The following SEM1 variants were observed in gnomAD, a reference collection of about 807,000 sequenced individuals.
The protein encoded by SEM1 is 26S proteasome complex subunit SEM1.
A neutral mutation model predicts 12.7 loss-of-function variants in SEM1; 3 were observed. That is an observed-to-expected ratio of 0.24 (90% confidence interval 0.11 to 0.61). SEM1 has a LOEUF of 0.61. SEM1 is among the 20% of genes least tolerant of loss of function. The pLI, the probability that SEM1 is intolerant of heterozygous loss-of-function variation, is 0.88. For missense variants in SEM1, 59 were observed against 81.3 expected, an observed-to-expected ratio of 0.73 and a Z score of 1.06; for synonymous variants, 30 against 27.8, an observed-to-expected ratio of 1.08 and a Z score of -0.25.
At chr7:96,676,797 C>G (rs145533922) in intron 2 of SEM1, among the ~76,000 whole-genome samples, 6 of 152,264 alleles carry the variant, frequency 3.9e-5, no homozygotes, top group Admixed American at 6.5e-5. Context: ...AGCATGTGAA[C>G]AGCATTATTG....
chr7:96,553,312 G>A (rs1359364659), intron 2 of SEM1, among the ~76,000 whole-genome samples: 6 of 151,726 alleles, frequency 4.0e-5, no homozygotes, highest in African/African-American at 1.2e-4. Context: ...TTCTTCTAGG[G>A]TTTTTATGGT....
intron 2 of SEM1, among the ~76,000 whole-genome samples, chr7:96,646,376 C>A (rs114610915): frequency 6.6e-6 from 1 of 152,176 alleles, no homozygotes; most frequent in African/African-American, 2.4e-5. Context: ...CTTGCTCATT[C>A]CTAAAAGTCC....
At chr7:96,602,436 G>GA (rs1807224251) in intron 2 of SEM1, among the ~76,000 whole-genome samples, 1 of 152,060 alleles carries the variant, frequency 6.6e-6, no homozygotes, top group Non-Finnish European at 1.5e-5. Context: ...TCCCTAACCT[G>GA]ATCCATTTAG....
intron 2 of SEM1, among the ~76,000 whole-genome samples, chr7:96,677,941 A>T (rs1789496697): frequency 6.6e-6 from 1 of 152,346 alleles, no homozygotes; most frequent in African/African-American, 2.4e-5. Flanking sequence ...CTTAACTTGC[A>T]TTAACAATCA....
At chr7:96,697,045 T>C (rs1790118628) in intron 1 of SEM1, 1 of 151,968 alleles carries the variant, frequency 6.6e-6, no homozygotes, top group South Asian at 2.1e-4. Context: ...CTTCAATATG[T>C]AGATGGCCTT....
At chr7:96,609,318 C>T (rs1807475392) in intron 2 of SEM1, among the ~76,000 whole-genome samples, 1 of 152,158 alleles carries the variant, frequency 6.6e-6, no homozygotes, top group Admixed American at 6.5e-5. Flanking sequence ...GCATTAAGGG[C>T]AATCATATTT....
chr7:96,594,765 A>G (rs1014808004), intron 2 of SEM1, among the ~76,000 whole-genome samples: 2 of 152,212 alleles, frequency 1.3e-5, no homozygotes, highest in Non-Finnish European at 2.9e-5. Context: ...CATTTTTATC[A>G]TCTATTAATG....
rs565518347 is a variant in SEM1, at chr7:96,631,104, G to A, written c.171-8461C>T. ...CAAGCTGTGCAGCCTGGGGTTAGGG[G>A]AATGGTGATGCCAGCACTCCCTTAG... On this transcript the variant is annotated intron_variant, in intron 2 of 2. Coordinates refer to the SEM1 transcript ENST00000417009. Among the ~76,000 whole-genome samples, 551 of 152,134 alleles carry A rather than the reference G, an allele frequency of 3.6e-3. 3 individuals are homozygous for A. Among genetic ancestry groups the A allele is most frequent in the African/African-American group, 0.013 (520 of 41,484 alleles).
intron 2 of SEM1, among the ~76,000 whole-genome samples, chr7:96,630,008 C>T (rs1045119325): frequency 6.6e-6 from 1 of 152,226 alleles, no homozygotes; most frequent in Non-Finnish European, 1.5e-5. Context: ...TTCTGAGCCA[C>T]CTGGAGCTGG....
chr7:96,599,081 G>T (rs1027780769), intron 2 of SEM1, among the ~76,000 whole-genome samples: 3 of 151,998 alleles, frequency 2.0e-5, no homozygotes, highest in Non-Finnish European at 2.9e-5. Flanking sequence ...AGAAGGAAGG[G>T]AAGGAAAAAG....
chr7:96,551,956 C>T (rs924949000), intron 2 of SEM1, among the ~76,000 whole-genome samples: 4 of 152,052 alleles, frequency 2.6e-5, no homozygotes, highest in East Asian at 3.9e-4. Context: ...TTGTTTTACG[C>T]CACCTAATAT....
At chr7:96,584,007 G>C (rs1166417791) in intron 2 of SEM1, among the ~76,000 whole-genome samples, 1 of 151,746 alleles carries the variant, frequency 6.6e-6, no homozygotes, top group Non-Finnish European at 1.5e-5. Flanking sequence ...ATTTGATCCA[G>C]TCATTATGTT....
intron 2 of SEM1, among the ~76,000 whole-genome samples, chr7:96,522,727 C>CCA (rs1035011738): frequency 5.6e-5 from 7 of 124,660 alleles, no homozygotes; most frequent in African/African-American, 1.6e-4. Flanking sequence ...AAAATACCCC[C>CCA]CCCCCAAAAA....
At chr7:96,708,394 G>C (rs1397209731) in intron 1 of SEM1, among the ~76,000 whole-genome samples, 1 of 152,172 alleles carries the variant, frequency 6.6e-6, no homozygotes, top group East Asian at 1.9e-4. Flanking sequence ...ATTATAAATA[G>C]AACAAATGTT....
chr7:96,702,561 T>C (rs1198839868), intron 1 of SEM1, among the ~76,000 whole-genome samples: 1 of 152,134 alleles, frequency 6.6e-6, no homozygotes, highest in Non-Finnish European at 1.5e-5. Flanking sequence ...CAAATAATAG[T>C]TACAAATTAT....
At chr7:96,498,893 C>A (rs1361724894), upstream of SEM1, among the ~76,000 whole-genome samples, 5 of 152,116 alleles carry the variant, frequency 3.3e-5, no homozygotes, top group African/African-American at 9.7e-5. Flanking sequence ...ATAATAGTTT[C>A]TGTCCCATTA....
rs1393272057 is a variant in SEM1 at position 96,694,901 on chromosome 7, G to C, written c.77-10C>G. 1.3e-6 allele frequency: 2 copies of C among 1,571,064 alleles called. No individual in the cohort carries two copies. Among genetic ancestry groups the C allele is most frequent in the Non-Finnish European group, 1.8e-6 (2 of 1,142,802 alleles). The stretch of plus-strand genomic sequence containing the variant: ...TCTAAGCCAGCCCAGTCTAAAAATA[G>C]AAACAGATGCTGTCTAAATATTTCT... On this transcript the variant is annotated splice_polypyrimidine_tract_variant and intron_variant, in intron 1 of 2. Transcript: ENST00000248566.
intron 2 of SEM1, among the ~76,000 whole-genome samples, chr7:96,628,545 C>T (rs981319194): frequency 6.6e-6 from 1 of 152,068 alleles, no homozygotes. Flanking sequence ...TTAACTTTAT[C>T]CTCCCACTTT....
At chr7:96,496,312 T>C (rs1460530822) in exon 1 of SEM1, 3 of 1,508,762 alleles carry the variant, frequency 2.0e-6, no homozygotes, top group Admixed American at 4.0e-5. Flanking sequence ...CCTTCAGAGC[T>C]GCATAGCATC....
Sources: allele counts gnomAD v4.1 joint callset (sites outside exome capture counted in the v4.1 genomes callset), GRCh38; gene constraint gnomAD v4.1.1; transcripts MANE v1.5; gene names NCBI Gene and HGNC (gene_info 2026-07-23, HGNC 2026-07-21).